SEPTIN9: variants seen among roughly 807,000 people sequenced by gnomAD.
The protein encoded by SEPTIN9 is septin 9, also known as septin-9.
Under a neutral mutation model 56.6 loss-of-function variants are expected in SEPTIN9, and 13 were observed. The observed-to-expected ratio is 0.23, with a 90% CI of 0.15 to 0.37. The LOEUF (loss-of-function observed/expected upper bound fraction) is 0.37, where lower values mean the gene tolerates loss of function less well. SEPTIN9 is among the 10% of genes least tolerant of loss of function. The pLI, the probability that SEPTIN9 is intolerant of heterozygous loss-of-function variation, is 1.00. For missense variants in SEPTIN9, 650 were observed against 823.1 expected, an observed-to-expected ratio of 0.79 and a Z score of 2.57; for synonymous variants, 332 against 334.1, an observed-to-expected ratio of 0.99 and a Z score of 0.07.
rs142598684 is a variant in SEPTIN9, at chr17:77,319,405, G to A, written c.76+12208G>A. The stretch of plus-strand genomic sequence containing the variant: ...CCCGAGTTCCCGGAGAGGAAGACTC[G>A]CTCCCTCCCAGGGGACGGCTAGAGA... On this transcript the variant is annotated intron_variant, in intron 2 of 11. Coordinates refer to ENST00000427177, the MANE Select transcript of SEPTIN9 (RefSeq NM_001113491.2). This position sits in a 1 kb window ranked among gnomAD's most constrained non-coding sequence, Gnocchi z 5.3. 7.4e-5 allele frequency: 26 copies of A among 350,802 alleles called. No homozygotes were observed. The South Asian group carries it at 3.0e-3, about 40-fold the overall frequency. 21.7% of individuals were successfully genotyped at this position (350,802 alleles called of 1,614,324 possible).
chr17:77,311,649 C>T (rs1473081756), intron 2 of SEPTIN9, among the ~76,000 whole-genome samples: 2 of 152,194 alleles, frequency 1.3e-5, no homozygotes, highest in African/African-American at 2.4e-5. Flanking sequence ...CCACCATCCC[C>T]AGGAGACAGA....
intron 3 of SEPTIN9, among the ~76,000 whole-genome samples, chr17:77,409,116 C>G (rs2036196599): frequency 3.3e-5 from 5 of 152,084 alleles, no homozygotes; most frequent in Admixed American, 3.3e-4. Flanking sequence ...GCTCCCACCT[C>G]CTCCCATTTT....
intron 3 of SEPTIN9, among the ~76,000 whole-genome samples, chr17:77,432,447 G>A (rs1033831587): frequency 2.0e-5 from 3 of 152,226 alleles, no homozygotes; most frequent in Admixed American, 6.5e-5. Flanking sequence ...CCCCGTCTGT[G>A]TCAGGCCTGG....
chr17:77,447,791 A>C (rs953592862), intron 3 of SEPTIN9, among the ~76,000 whole-genome samples: 1 of 152,104 alleles, frequency 6.6e-6, no homozygotes, highest in African/African-American at 2.4e-5. Flanking sequence ...CGCCTGGCGA[A>C]TTTTTGTATT....
chr17:77,413,085 GGC>G (rs1158119495), intron 3 of SEPTIN9, among the ~76,000 whole-genome samples: 1 of 128,762 alleles, frequency 7.8e-6, no homozygotes, highest in African/African-American at 3.5e-5. Context: ...GAGCGGGTGG[GGC>G]GTGTGTGTGT....
intron 2 of SEPTIN9, among the ~76,000 whole-genome samples, chr17:77,360,228 G>C (rs7208114): frequency 0.23 from 35,345 of 151,524 alleles, 4,551 homozygotes; most frequent in East Asian, 0.61. Flanking sequence ...CCTGAGCATG[G>C]AGGCAGCCTC....
intron 2 of SEPTIN9, among the ~76,000 whole-genome samples, chr17:77,392,411 C>A (rs957637290): frequency 6.6e-6 from 1 of 152,242 alleles, no homozygotes; most frequent in African/African-American, 2.4e-5. Context: ...GCTCCCTGCA[C>A]CTCCATCCAG....
intron 2 of SEPTIN9, among the ~76,000 whole-genome samples, chr17:77,394,014 A>T (rs2035625583): frequency 6.6e-6 from 1 of 152,218 alleles, no homozygotes; most frequent in East Asian, 1.9e-4. Context: ...AATAAAGAGC[A>T]CGGTCCCTGT....
chr17:77,493,142 C>G, intron 10 of SEPTIN9, 66 bp downstream of exon 10: 1 of 1,274,584 alleles, frequency 7.8e-7, no homozygotes. Flanking sequence ...GACCCAGAGC[C>G]TGTGGGCCAC....
In SEPTIN9 at chr17:77,289,537, T is replaced by G. The variant is rs2031441300; in HGVS notation, c.19+7983T>G. ...GATTCTCTTGCCTCAGCCTCCCAAGTAGCTGGGATTACAGGCCTGCGTCAC... is the reference window on the plus strand; with the variant it reads ...GATTCTCTTGCCTCAGCCTCCCAAGGAGCTGGGATTACAGGCCTGCGTCAC... On this transcript the variant is annotated intron_variant, in intron 1 of 11. Coordinates refer to ENST00000427177, the MANE Select transcript of SEPTIN9 (RefSeq NM_001113491.2). Among the ~76,000 whole-genome samples, 3 of 151,604 alleles carry G rather than the reference T, an allele frequency of 2.0e-5. 1 individual carries two copies. The South Asian group carries it at 6.3e-4, about 32-fold the overall frequency.
chr17:77,312,918 A>C lies in SEPTIN9; in HGVS notation c.76+5721A>C, dbSNP rs573985127. Among the ~76,000 whole-genome samples, 251 of 152,342 alleles carry C rather than the reference A, an allele frequency of 1.6e-3. 1 individual carries two copies. The highest frequency in any genetic ancestry group is 5.8e-3 in the African/African-American group (241 of 41,576). ...TAGCCCTTCCACATTGCAAGCGTTC[A>C]CTGCCACATGTGGCTGCCATATTGA... is the stretch of plus-strand genomic sequence containing the variant. On this transcript the variant is annotated intron_variant, in intron 2 of 11. Coordinates refer to ENST00000427177, the MANE Select transcript of SEPTIN9 (RefSeq NM_001113491.2).
rs1180383304 is a variant in SEPTIN9 at position 77,450,983 on chromosome 17, G to C, written c.722-31161G>C. ...GCTGTGGCGATGTCTGAGCAGGTAG[G>C]TGGGGGAGCACCTAGGAAGCAGGGG... On this transcript the variant is annotated intron_variant, in intron 3 of 11. Coordinates refer to ENST00000427177, the MANE Select transcript of SEPTIN9 (RefSeq NM_001113491.2). The surrounding 1 kb of genome is among the most constrained non-coding windows in gnomAD (Gnocchi z 6.0). 1 of 191,472 alleles carries C rather than the reference G, an allele frequency of 5.2e-6. No individual in the cohort carries two copies. Among genetic ancestry groups the C allele is most frequent in the Admixed American group, 6.5e-5 (1 of 15,338 alleles). The allele number at this position is 191,472 out of a possible 1,614,324, so 11.9% of individuals were successfully genotyped here.
chr17:77,468,442 G>A (rs561027415), intron 3 of SEPTIN9, among the ~76,000 whole-genome samples: 6 of 152,300 alleles, frequency 3.9e-5, no homozygotes, highest in Middle Eastern at 3.4e-3. Flanking sequence ...GAGGCTGTGC[G>A]TGGATGGAAG....
At chr17:77,377,630 T>C (rs1435502944) in intron 2 of SEPTIN9, among the ~76,000 whole-genome samples, 1 of 152,132 alleles carries the variant, frequency 6.6e-6, no homozygotes, top group Non-Finnish European at 1.5e-5. Context: ...CAGAGCAGGC[T>C]GTGGGACGGG....
Position 77,498,632 on chromosome 17 carries a change from A to G in SEPTIN9, c.1735A>G (p.Lys579Glu), listed in dbSNP as rs1200437467. Reference sequence around the variant, plus strand: ...CGCCATGGCCAACGGCATGGAGGAGAAGGAGCCAGAAGCCCCGGAGATGTA... The same window carrying G: ...CGCCATGGCCAACGGCATGGAGGAGGAGGAGCCAGAAGCCCCGGAGATGTA... The part of the protein sequence containing the change: ...SSAMANGMEE[K>E]EPEAPEM Residue 579 changes from lysine (K) to glutamate (E), a missense_variant, in exon 12 of 12, where the codon AAG becomes GAG. Coordinates refer to ENST00000427177, the MANE Select transcript of SEPTIN9 (RefSeq NM_001113491.2). 1.2e-6 allele frequency: 2 copies of G among 1,609,558 alleles called. No homozygotes were observed. Among genetic ancestry groups the G allele is most frequent in the Admixed American group, 1.7e-5 (1 of 59,830 alleles).
At chr17:77,282,666 A>G (rs2031079873) in intron 1 of SEPTIN9, among the ~76,000 whole-genome samples, 1 of 152,232 alleles carries the variant, frequency 6.6e-6, no homozygotes, top group Non-Finnish European at 1.5e-5. Flanking sequence ...CTTCTGGGTC[A>G]GTAGCTTAGA....
At chr17:77,401,226 G>T (rs2144093085) in intron 2 of SEPTIN9, among the ~76,000 whole-genome samples, 1 of 152,326 alleles carries the variant, frequency 6.6e-6, no homozygotes, top group South Asian at 2.1e-4. Flanking sequence ...CAGATGTGAT[G>T]AGCTCGGTAG....
In SEPTIN9 at chr17:77,369,591, C is replaced by T. The variant is rs972495695; in HGVS notation, c.77-32468C>T. Among the ~76,000 whole-genome samples the T allele has an allele frequency of 5.3e-5, 8 of 152,106 alleles. No homozygotes were observed. The highest frequency in any genetic ancestry group is 1.4e-4 in the African/African-American group (6 of 41,388). On this transcript the variant is annotated intron_variant, in intron 2 of 11. Transcript: ENST00000427177. The surrounding 1 kb of genome is among the most constrained non-coding windows in gnomAD (Gnocchi z 4.9). ...CTCTGCCACTGACGGACCCAGGGCT[C>T]GGCAGCTCTGGGAGGCCTACTTTGT...
chr17:77,382,134 T>G (rs1170966389), intron 2 of SEPTIN9, among the ~76,000 whole-genome samples: 1 of 152,154 alleles, frequency 6.6e-6, no homozygotes, highest in African/African-American at 2.4e-5. Flanking sequence ...TTCAAGCGAT[T>G]CTCCTGCCTC....
Sources: gnomAD v4.1 joint callset for allele counts (sites outside exome capture counted in the v4.1 genomes callset) on GRCh38, gnomAD v4.1.1 for gene constraint, Gnocchi (gnomAD v3.1) non-coding constraint, MANE v1.5 for transcripts, NCBI Gene and HGNC (gene_info 2026-07-23, HGNC 2026-07-21) for gene names.